DSCAML1: variants seen among roughly 807,000 people sequenced by gnomAD.
The protein encoded by DSCAML1 is DS cell adhesion molecule like 1.
In DSCAML1, 38 loss-of-function variants were observed where a neutral mutation model predicts 200.5. The observed-to-expected ratio is 0.19, with a 90% CI of 0.15 to 0.25. The LOEUF (loss-of-function observed/expected upper bound fraction) is 0.25, where lower values mean the gene tolerates loss of function less well. DSCAML1 is among the 10% of genes least tolerant of loss of function. DSCAML1 has a pLI of 1.00. For missense variants in DSCAML1, 2,223 were observed against 2,858.8 expected (o/e 0.78, Z 5.07); for synonymous variants, 1,215 against 1,165.0 (o/e 1.04, Z -0.87).
intron 3 of DSCAML1, among the ~76,000 whole-genome samples, chr11:117,582,762 A>AC (rs2051065705): frequency 6.6e-6 from 1 of 152,288 alleles, no homozygotes; most frequent in East Asian, 1.9e-4. Flanking sequence ...GCCCCAGTCC[A>AC]CGGGCTGTGG....
intron 3 of DSCAML1, among the ~76,000 whole-genome samples, chr11:117,556,796 G>A (rs1011460927): frequency 2.6e-5 from 4 of 152,198 alleles, no homozygotes; most frequent in Non-Finnish European, 5.9e-5. Context: ...GGACTTCAAG[G>A]GCACTAGGGA....
chr11:117,436,518 GTGTGTGTGTGTA>G (rs1015976043), intron 26 of DSCAML1, among the ~76,000 whole-genome samples: 41 of 149,478 alleles, frequency 2.7e-4, no homozygotes, highest in Middle Eastern at 3.5e-3. Context: ...CAATGGATGT[GTGTGTGTGTGTA>G]TGTGTGTGTA....
chr11:117,604,654 TC>T (rs1407888486), intron 3 of DSCAML1, among the ~76,000 whole-genome samples: 4 of 152,258 alleles, frequency 2.6e-5, no homozygotes, highest in African/African-American at 9.6e-5. Context: ...CAGACATCTT[TC>T]CCCTCGTTGA....
At chr11:117,523,772 G>T (rs542562764) in intron 5 of DSCAML1, among the ~76,000 whole-genome samples, 86 of 152,276 alleles carry the variant, frequency 5.6e-4, no homozygotes, top group Non-Finnish European at 3.7e-4. Context: ...GAGTTTCTTT[G>T]GTCAACCAGG....
chr11:117,690,521 T>C (rs2137718101), intron 3 of DSCAML1, among the ~76,000 whole-genome samples: 1 of 152,372 alleles, frequency 6.6e-6, no homozygotes, highest in Non-Finnish European at 1.5e-5. Flanking sequence ...GCCTCTGAGA[T>C]TTCCGAGCTG....
chr11:117,557,878 G>A (rs905736650), intron 3 of DSCAML1, among the ~76,000 whole-genome samples: 4 of 152,154 alleles, frequency 2.6e-5, no homozygotes, highest in Non-Finnish European at 5.9e-5. Flanking sequence ...ATATGGCAAT[G>A]TGTGGAGGCA....
intron 3 of DSCAML1, among the ~76,000 whole-genome samples, chr11:117,775,808 T>G (rs962924480): frequency 1.3e-5 from 2 of 152,120 alleles, no homozygotes; most frequent in African/African-American, 4.8e-5. Context: ...TAAGAACCCC[T>G]GCTTTACAGG....
intron 4 of DSCAML1, 51 bp downstream of exon 4, chr11:117,532,325 G>A (rs1393678395): frequency 6.4e-7 from 1 of 1,574,378 alleles, no homozygotes; most frequent in South Asian, 1.2e-5. Flanking sequence ...GGGATGGCCT[G>A]GTGTCCTCCC....
At position 117,489,578 on chromosome 11, in the gene DSCAML1, G is replaced by C. The variant is rs7929939; in HGVS notation, c.2360-7416C>G. Among the ~76,000 whole-genome samples, 3,527 of 152,240 alleles carry C rather than the reference G, an allele frequency of 0.023. 120 individuals are homozygous for C. Among genetic ancestry groups the C allele is most frequent in the African/African-American group, 0.08 (3,314 of 41,522 alleles). On this transcript the variant is annotated intron_variant, in intron 11 of 32. Transcript: ENST00000651296. The surrounding 1 kb of genome is among the most constrained non-coding windows in gnomAD (Gnocchi z 4.8). ...CTATACAGCAGCTTTAGGTGGGGTA[G>C]GGTCTTCTCTCTGAGACCCTGGGGG... is the stretch of plus-strand genomic sequence containing the variant.
chr11:117,600,561 C>T (rs2051447249), intron 3 of DSCAML1, among the ~76,000 whole-genome samples: 1 of 152,180 alleles, frequency 6.6e-6, no homozygotes, highest in Non-Finnish European at 1.5e-5. Flanking sequence ...CCACAGGATC[C>T]CCTTTGCTCC....
intron 3 of DSCAML1, among the ~76,000 whole-genome samples, chr11:117,565,696 CTT>C (rs558426742): frequency 6.6e-6 from 1 of 152,178 alleles, no homozygotes; most frequent in African/African-American, 2.4e-5. Context: ...ACTGTCTCAC[CTT>C]TTTGGTGTTT....
Position 117,464,939 on chromosome 11 carries a change from C to T in DSCAML1, c.3265+3G>A. On this transcript the variant is annotated splice_donor_region_variant and intron_variant, in intron 17 of 32. Coordinates refer to ENST00000651296, the MANE Select transcript of DSCAML1 (RefSeq NM_020693.4). The stretch of plus-strand genomic sequence containing the variant: ...GCCCACTCCCTTCTGCTGGGGCCCT[C>T]ACCATCCTCCAGAGTGGTGGCATTG... 6.2e-7 allele frequency: 1 copy of T among 1,612,988 alleles called. No homozygotes were observed. Among genetic ancestry groups the T allele is most frequent in the South Asian group, 1.1e-5 (1 of 91,024 alleles).
intron 1 of DSCAML1, 44 bp downstream of exon 1, chr11:117,796,990 T>C: frequency 3.0e-6 from 4 of 1,320,872 alleles, no homozygotes; most frequent in Non-Finnish European, 2.9e-6. Context: ...CGCGCCACCC[T>C]GGCCCCGCCG....
intron 3 of DSCAML1, among the ~76,000 whole-genome samples, chr11:117,665,054 A>G (rs558261054): frequency 1.6e-4 from 24 of 152,036 alleles, no homozygotes; most frequent in Non-Finnish European, 2.6e-4. Context: ...CGCCCATCTC[A>G]GTGGAAGTCC....
At chr11:117,511,667 C>T (rs2049620970) in intron 8 of DSCAML1, among the ~76,000 whole-genome samples, 1 of 152,186 alleles carries the variant, frequency 6.6e-6, no homozygotes, top group Non-Finnish European at 1.5e-5. Context: ...CACCCTCTCT[C>T]CTCTCTGCTC....
At chr11:117,630,845 G>A (rs2052158151) in intron 3 of DSCAML1, among the ~76,000 whole-genome samples, 1 of 151,970 alleles carries the variant, frequency 6.6e-6, no homozygotes, top group Non-Finnish European at 1.5e-5. Flanking sequence ...TGGGTTCAAA[G>A]CCCGGCTCCG....
At chr11:117,501,246 G>A (rs1175762440) in intron 11 of DSCAML1, among the ~76,000 whole-genome samples, 2 of 152,088 alleles carry the variant, frequency 1.3e-5, no homozygotes, top group Non-Finnish European at 2.9e-5. Flanking sequence ...CTGGGGCGGG[G>A]GGTTACTTGG....
intron 3 of DSCAML1, among the ~76,000 whole-genome samples, chr11:117,740,624 C>T (rs866612068): frequency 6.6e-6 from 1 of 152,224 alleles, no homozygotes; most frequent in Non-Finnish European, 1.5e-5. Context: ...GCAAGCACCC[C>T]ACTGCCCAGG....
intron 8 of DSCAML1, among the ~76,000 whole-genome samples, chr11:117,509,763 A>G (rs749575538): frequency 6.6e-6 from 1 of 152,166 alleles, no homozygotes; most frequent in Non-Finnish European, 1.5e-5. Flanking sequence ...GCTCAGGGCT[A>G]GTAGCTGCAT....
Sources: allele counts gnomAD v4.1 joint callset (sites outside exome capture counted in the v4.1 genomes callset), GRCh38; gene constraint gnomAD v4.1.1; non-coding constraint Gnocchi (gnomAD v3.1); transcripts MANE v1.5; gene names NCBI Gene and HGNC (gene_info 2026-07-23, HGNC 2026-07-21).